The following LDLRAP1 variants were observed in gnomAD, a reference collection of about 807,000 sequenced individuals.
LDLRAP1 encodes the protein low density lipoprotein receptor adaptor protein 1.
A neutral mutation model predicts 37.8 loss-of-function variants in LDLRAP1; 30 were observed. The ratio of observed to expected loss-of-function variants is 0.79; its 90% confidence interval spans 0.59 to 1.08. The LOEUF (loss-of-function observed/expected upper bound fraction) is 1.08, where lower values mean the gene tolerates loss of function less well. Ranked by LOEUF, LDLRAP1 falls within the 50% of genes least tolerant of loss-of-function variation. The pLI, the probability that LDLRAP1 is intolerant of heterozygous loss-of-function variation, is 0.00. For synonymous variants in LDLRAP1, 156 were observed against 169.8 expected (o/e 0.92, Z 0.63); for missense variants, 375 against 401.6 (o/e 0.93, Z 0.57).
intron 1 of LDLRAP1, among the ~76,000 whole-genome samples, chr1:25,552,830 G>C (rs1408940897): frequency 2.0e-5 from 3 of 152,178 alleles, no homozygotes; most frequent in Admixed American, 1.3e-4. Context: ...AGTGAGGCAG[G>C]CTCATCCCCT....
chr1:25,557,672 G>A (rs1410350426), intron 4 of LDLRAP1, among the ~76,000 whole-genome samples: 1 of 152,180 alleles, frequency 6.6e-6, no homozygotes, highest in Non-Finnish European at 1.5e-5. Flanking sequence ...AGAGCCGTCA[G>A]AGAACCAGGC....
At chr1:25,550,143 G>A (rs1293381812) in intron 1 of LDLRAP1, 1 of 152,346 alleles carries the variant, frequency 6.6e-6, no homozygotes, top group Non-Finnish European at 1.5e-5. Context: ...CCCGCCCACA[G>A]GAGGGATGAG....
the LDLRAP1 span, among the ~76,000 whole-genome samples, chr1:25,574,898 C>G: frequency 1.6e-4 from 24 of 152,276 alleles, no homozygotes; most frequent in Non-Finnish European, 2.8e-4. Flanking sequence ...TTTGGCCTGT[C>G]ATTGTCTGTT....
In LDLRAP1 at chr1:25,557,181, C is replaced by T. The variant is rs913973064; in HGVS notation, c.373C>T (p.His125Tyr). 2 of 1,614,132 alleles carry T rather than the reference C, an allele frequency of 1.2e-6. No individual in the cohort carries two copies. Among genetic ancestry groups the T allele is most frequent in the East Asian group, 4.5e-5 (2 of 44,886 alleles). ...CTCCTATTGCACAGCAGACAAGATGCACGACAAGGTGTTTGCATACATCGC... is the reference window on the plus strand; with the variant it reads ...CTCCTATTGCACAGCAGACAAGATGTACGACAAGGTGTTTGCATACATCGC... Reference protein sequence around the residue: ...RISYCTADKMHDKVFAYIAQS... With the variant: ...RISYCTADKMYDKVFAYIAQS... Residue 125 changes from histidine to tyrosine, a missense_variant, in exon 4 of 9, where the codon CAC becomes TAC. Coordinates refer to ENST00000374338, the MANE Select transcript of LDLRAP1 (RefSeq NM_015627.3).
chr1:25,552,786 T>C (rs1270094703), intron 1 of LDLRAP1, among the ~76,000 whole-genome samples: 1 of 152,196 alleles, frequency 6.6e-6, no homozygotes, highest in Admixed American at 6.5e-5. Flanking sequence ...GGGGCGCTCT[T>C]TCCACGTGTC....
the LDLRAP1 span, among the ~76,000 whole-genome samples, chr1:25,576,004 G>A: frequency 1.3e-5 from 2 of 151,866 alleles, no homozygotes; most frequent in Admixed American, 6.6e-5. Flanking sequence ...CAAGGTGAGC[G>A]GATCAGTTGA....
At chr1:25,566,711 ACTCC>A in intron 8 of LDLRAP1, 133 bp from the exon 9 acceptor site, 2 of 1,029,562 alleles carry the variant, frequency 1.9e-6, no homozygotes, top group Non-Finnish European at 2.9e-6. Flanking sequence ...ATCTGAGGTT[ACTCC>A]ACCTCCCCTG....
At position 25,554,618 on chromosome 1, in the gene LDLRAP1, C is replaced by A. The variant is rs1231090478; in HGVS notation, c.232-242C>A. Among the ~76,000 whole-genome samples, 1 of 152,232 alleles carries A rather than the reference C, an allele frequency of 6.6e-6. No individual in the cohort carries two copies. The highest frequency in any genetic ancestry group is 2.4e-5 in the African/African-American group (1 of 41,454). ...AGTCCCTTAGCCTCTCTGAGTCCAT[C>A]TCTGGGGAGAGGGAGGATGACTCCA... On this transcript the variant is annotated intron_variant, in intron 2 of 8. Coordinates refer to ENST00000374338, the MANE Select transcript of LDLRAP1 (RefSeq NM_015627.3). The surrounding 1 kb of genome is among the most constrained non-coding windows in gnomAD (Gnocchi z 5.4).
chr1:25,557,639 GC>G (rs1323709705), intron 4 of LDLRAP1, among the ~76,000 whole-genome samples: 1 of 152,176 alleles, frequency 6.6e-6, no homozygotes, highest in Admixed American at 6.5e-5. Flanking sequence ...GATCAGGGGG[GC>G]CTAGGGTGGA....
rs185181255 is a variant in LDLRAP1, at chr1:25,556,355, G to A, written c.345-798G>A. ...CGGGTGGCCCCTAGGTTACAGGTGC[G>A]ACTGGGGGCAGAGAGGGTGCTCCAT... is the stretch of plus-strand genomic sequence containing the variant. On this transcript the variant is annotated intron_variant, in intron 3 of 8. Coordinates refer to ENST00000374338, the MANE Select transcript of LDLRAP1 (RefSeq NM_015627.3). Among the ~76,000 whole-genome samples, 408 of 152,304 alleles carry A rather than the reference G, an allele frequency of 2.7e-3. 2 individuals are homozygous for A. Among genetic ancestry groups the A allele is most frequent in the Non-Finnish European group, 3.1e-3 (208 of 68,012 alleles).
At chr1:25,546,509 C>G (rs1004070544) in intron 1 of LDLRAP1, among the ~76,000 whole-genome samples, 4 of 152,190 alleles carry the variant, frequency 2.6e-5, no homozygotes, top group Admixed American at 6.5e-5. Context: ...CTTTTCCTAT[C>G]CCCTGGGGAG....
chr1:25,583,968 G>A, the LDLRAP1 span, among the ~76,000 whole-genome samples: 7,461 of 152,154 alleles, frequency 0.049, 601 homozygotes, highest in African/African-American at 0.17. Flanking sequence ...CCAGTGCTTC[G>A]TGTCTCCCTC....
rs139877665 is a variant in LDLRAP1, at chr1:25,554,912, G to A, written c.284G>A (p.Arg95Gln). 1,053 of 1,614,106 alleles carry A rather than the reference G, an allele frequency of 6.5e-4. No individual in the cohort carries two copies. The highest frequency in any genetic ancestry group is 7.2e-4 in the Non-Finnish European group (846 of 1,180,044). The change falls in exon 3 of 9, where the codon CGG (arginine) becomes CAG (glutamine). Residue 95 changes from arginine to glutamine, a missense_variant. By Grantham distance (43) the Arg-to-Gln change is conservative. Coordinates refer to ENST00000374338, the MANE Select transcript of LDLRAP1 (RefSeq NM_015627.3). The surrounding 1 kb of genome is among the most constrained non-coding windows in gnomAD (Gnocchi z 5.4). The part of the protein sequence containing the change: ...LQKVTLKVSP[R>Q]GIILTDNLTN... ...AAGGTGACTCTGAAGGTGTCGCCAC[G>A]GGGAATTATCCTGACAGACAACCTC...
chr1:25,562,535 G>A, intron 4 of LDLRAP1, 109 bp from the exon 5 acceptor site: 1 of 878,528 alleles, frequency 1.1e-6, no homozygotes, highest in Admixed American at 1.9e-5. Context: ...TGCAGAAGCT[G>A]CAGGGAGGGA....
chr1:25,554,665 A>G lies in LDLRAP1; in HGVS notation c.232-195A>G, dbSNP rs1276268684. On this transcript the variant is annotated intron_variant, in intron 2 of 8. Transcript: ENST00000374338. The surrounding 1 kb of genome is among the most constrained non-coding windows in gnomAD (Gnocchi z 5.4). ...TCCAGGTCCACGGTGCCTGACAGAT[A>G]GCTGGTGCTCAGCAGATGCTGCTCC... Among the ~76,000 whole-genome samples the G allele has an allele frequency of 6.6e-6, 1 of 152,230 alleles. No individual in the cohort carries two copies. The highest frequency in any genetic ancestry group is 1.5e-5 in the Non-Finnish European group (1 of 68,034).
At chr1:25,553,172 G>T (rs1016528770) in intron 1 of LDLRAP1, among the ~76,000 whole-genome samples, 1 of 152,188 alleles carries the variant, frequency 6.6e-6, no homozygotes, top group African/African-American at 2.4e-5. Context: ...ACCGCTCAGG[G>T]TTGAAGTCCG....
chr1:25,587,137 T>G, the LDLRAP1 span, among the ~76,000 whole-genome samples: 1 of 152,006 alleles, frequency 6.6e-6, no homozygotes, highest in African/African-American at 2.4e-5. Context: ...ATGATTCACT[T>G]CTATTTTGTT....
intron 5 of LDLRAP1, 80 bp downstream of exon 5, chr1:25,562,796 C>G: frequency 8.0e-7 from 1 of 1,251,328 alleles, no homozygotes; most frequent in Non-Finnish European, 1.2e-6. Flanking sequence ...CCTGGACCGA[C>G]TTCCTGCCTC....
rs75669145 is a variant in LDLRAP1, at chr1:25,564,450, A to G, written c.747+659A>G. 7.6e-3 allele frequency: 1,212 copies of G among 159,756 alleles called. 13 individuals are homozygous for G. The highest frequency in any genetic ancestry group is 0.027 in the African/African-American group (1,127 of 41,600). 9.9% of individuals were successfully genotyped at this position (159,756 alleles called of 1,614,324 possible). A position where few individuals can be genotyped will look rare whatever the true frequency, so the allele number is the denominator to read the frequency against. On this transcript the variant is annotated intron_variant, in intron 7 of 8. Transcript: ENST00000374338. ...AACAAACACGATACTGTGCTGTTATATAATCTATAGAACTTACACATTTCT... is the reference window on the plus strand; with the variant it reads ...AACAAACACGATACTGTGCTGTTATGTAATCTATAGAACTTACACATTTCT...
Sources: allele counts gnomAD v4.1 joint callset (sites outside exome capture counted in the v4.1 genomes callset), GRCh38; gene constraint gnomAD v4.1.1; non-coding constraint Gnocchi (gnomAD v3.1); transcripts MANE v1.5; gene names NCBI Gene and HGNC (gene_info 2026-07-23, HGNC 2026-07-21).